PRMT2: variants seen among roughly 807,000 people sequenced by gnomAD.
PRMT2 encodes protein arginine N-methyltransferase 2.
A neutral mutation model predicts 57.6 loss-of-function variants in PRMT2; 26 were observed. The ratio of observed to expected loss-of-function variants is 0.45; its 90% confidence interval spans 0.33 to 0.63. The LOEUF (loss-of-function observed/expected upper bound fraction) is 0.63, where lower values mean the gene tolerates loss of function less well. Among genes scored for constraint, PRMT2 ranks in the 20% least tolerant of loss-of-function variants. PRMT2 has a pLI of 0.02. For synonymous variants in PRMT2, 219 were observed against 220.0 expected (o/e 1.00, Z 0.04); for missense variants, 472 against 564.4 (o/e 0.84, Z 1.66).
At chr21:46,655,803 C>T (rs559958063) in intron 7 of PRMT2, among the ~76,000 whole-genome samples, 2 of 152,028 alleles carry the variant, frequency 1.3e-5, no homozygotes, top group African/African-American at 4.8e-5. Flanking sequence ...TGAAAGAAAC[C>T]CCAGAAAACC....
At position 46,665,116 on chromosome 21, in the gene PRMT2, T is replaced by G. The variant is rs1308242249; in HGVS notation, c.*789T>G. On this transcript the variant is annotated 3_prime_UTR_variant, in exon 12 of 12. Coordinates refer to ENST00000355680, the MANE Select transcript of PRMT2 (RefSeq NM_206962.4). Reference sequence around the variant, plus strand: ...TGTTTTGATTTTTATTAAATTTTATTGAAATATAGGCTGGGTGCAGTGGCT... The same window carrying G: ...TGTTTTGATTTTTATTAAATTTTATGGAAATATAGGCTGGGTGCAGTGGCT... 1 of 152,126 alleles carries G rather than the reference T, an allele frequency of 6.6e-6. No homozygotes were observed. The highest frequency in any genetic ancestry group is 1.5e-5 in the Non-Finnish European group (1 of 68,048). The allele number at this position is 152,126 out of a possible 1,614,324, so 9.4% of individuals were successfully genotyped here.
chr21:46,654,472 G>A (rs1437190791), intron 7 of PRMT2, among the ~76,000 whole-genome samples: 1 of 152,170 alleles, frequency 6.6e-6, no homozygotes. Context: ...AAATCCTGGA[G>A]AGTAGACAGG....
At chr21:46,659,182 T>TGAG in intron 8 of PRMT2, 1 of 1,204,864 alleles carries the variant, frequency 8.3e-7, no homozygotes, top group Non-Finnish European at 1.0e-6. Context: ...TAGGAGGGAG[T>TGAG]GAGGGCCAAG....
rs565764384 is a variant in PRMT2, at chr21:46,651,725, G to T, written c.654+1986G>T. ...ATGGCGATAGTTGTTGGGGCACAGG[G>T]TTGGTCGGATTTGAGGGAGGGAGGG... On this transcript the variant is annotated intron_variant, in intron 7 of 11. Coordinates refer to ENST00000355680, the MANE Select transcript of PRMT2 (RefSeq NM_206962.4). 2.6e-4 allele frequency: 382 copies of T among 1,495,646 alleles called. 2 individuals carry two copies. In the East Asian group the frequency reaches 6.7e-3, roughly 26 times the overall value. 92.6% of individuals were successfully genotyped at this position (1,495,646 alleles called of 1,614,324 possible). A position where few individuals can be genotyped will look rare whatever the true frequency, so the allele number is the denominator to read the frequency against.
intron 7 of PRMT2, among the ~76,000 whole-genome samples, chr21:46,650,906 G>A (rs1042188854): frequency 1.3e-5 from 2 of 152,230 alleles, no homozygotes; most frequent in African/African-American, 4.8e-5. Context: ...AGACTGTGTT[G>A]CATCAGGGAG....
At position 46,664,643 on chromosome 21, in the gene PRMT2, G is replaced by A. The variant is rs548028163; in HGVS notation, c.*316G>A. 1 of 464,782 alleles carries A rather than the reference G, an allele frequency of 2.2e-6. No homozygotes were observed. Among genetic ancestry groups the A allele is most frequent in the South Asian group, 2.4e-5 (1 of 42,032 alleles). 28.8% of individuals were successfully genotyped at this position (464,782 alleles called of 1,614,324 possible). On this transcript the variant is annotated 3_prime_UTR_variant, in exon 12 of 12. Transcript: ENST00000355680. Reference sequence around the variant, plus strand: ...TCGGAGCTCCATGTTCCTAAGCTAGGTCTAGGTCTACACTCCTAGGACGCA... The same window carrying A: ...TCGGAGCTCCATGTTCCTAAGCTAGATCTAGGTCTACACTCCTAGGACGCA...
rs199586203 is a variant in PRMT2 at position 46,661,775 on chromosome 21, G to A, written c.961-25G>A. On this transcript the variant is annotated intron_variant, in intron 9 of 11. Coordinates refer to ENST00000355680, the MANE Select transcript of PRMT2 (RefSeq NM_206962.4). ...CTGCGGTGCCACGCGGTGCCCACGC[G>A]TGCCTTGTCATCTGCTTGACCCAGA... The A allele has an allele frequency of 6.2e-5, 83 of 1,336,652 alleles. 2 individuals carry two copies. In the Admixed American group the frequency reaches 2.8e-3, roughly 44 times the overall value. The allele number at this position is 1,336,652 out of a possible 1,614,324, so 82.8% of individuals were successfully genotyped here. A position where few individuals can be genotyped will look rare whatever the true frequency, so the allele number is the denominator to read the frequency against.
chr21:46,646,486 C>T (rs1323082760), intron 5 of PRMT2, among the ~76,000 whole-genome samples: 1 of 152,228 alleles, frequency 6.6e-6, no homozygotes, highest in African/African-American at 2.4e-5. Context: ...TTCCACCACT[C>T]AGGTCTTCAC....
Position 46,660,980 on chromosome 21 carries a change from T to G in PRMT2, c.960+18T>G. On this transcript the variant is annotated intron_variant, in intron 9 of 11. Coordinates refer to ENST00000355680, the MANE Select transcript of PRMT2 (RefSeq NM_206962.4). ...ATCTAGAGGTGAGAAAAAGATGAATTGCTCCTTACATTCGATAATCAGTGA... is the reference window on the plus strand; with the variant it reads ...ATCTAGAGGTGAGAAAAAGATGAATGGCTCCTTACATTCGATAATCAGTGA... 1 of 1,607,716 alleles carries G rather than the reference T, an allele frequency of 6.2e-7. No individual in the cohort carries two copies. The highest frequency in any genetic ancestry group is 2.2e-5 in the East Asian group (1 of 44,774).
chr21:46,651,923 G>A (rs777359132), intron 7 of PRMT2: 1 of 1,613,056 alleles, frequency 6.2e-7, no homozygotes, highest in African/African-American at 1.3e-5. Flanking sequence ...CCCTCTTCAT[G>A]TCCTCCTTGC....
chr21:46,654,893 T>C (rs894811352), intron 7 of PRMT2: 1 of 984,590 alleles, frequency 1.0e-6, no homozygotes, highest in Non-Finnish European at 1.2e-6. Flanking sequence ...TCTTGAGTTA[T>C]CATTTTCTTT....
chr21:46,659,157 AG>A, intron 8 of PRMT2: 1 of 1,250,332 alleles, frequency 8.0e-7, no homozygotes, highest in East Asian at 3.5e-5. Context: ...TATGTGAAAA[AG>A]GTGGCATTAC....
rs757116943 is a variant in PRMT2, at chr21:46,660,890, A to G, written c.888A>G (p.Pro296=). Residue 296 remains proline, a synonymous_variant, in exon 9 of 12, where the codon CCA becomes CCG. Coordinates refer to ENST00000355680, the MANE Select transcript of PRMT2 (RefSeq NM_206962.4). ...SKPKYNHILK[P]EDCLSEPCTI... ...CCAAGTATAACCACATTTTGAAACC[A>G]GAAGACTGTCTCTCTGAACCGTGCA... 3.1e-6 allele frequency: 5 copies of G among 1,613,508 alleles called. No homozygotes were observed. The highest frequency in any genetic ancestry group is 1.3e-5 in the African/African-American group (1 of 74,922).
intron 3 of PRMT2, among the ~76,000 whole-genome samples, chr21:46,639,126 T>C (rs7283588): frequency 0.026 from 3,966 of 152,344 alleles, 83 homozygotes; most frequent in Middle Eastern, 0.082. Flanking sequence ...TTTGAAAGTA[T>C]GTTGACCAAT....
intron 9 of PRMT2, chr21:46,661,533 T>G (rs2061620990): frequency 3.6e-6 from 1 of 276,238 alleles, no homozygotes. Flanking sequence ...TCCAACTCCT[T>G]AACTGGAAGA....
At chr21:46,651,728 G>A in intron 7 of PRMT2, 1 of 1,503,608 alleles carries the variant, frequency 6.7e-7, no homozygotes, top group Non-Finnish European at 9.1e-7. Context: ...GCACAGGGTT[G>A]GTCGGATTTG....
At chr21:46,637,381 G>C (rs972987869) in intron 3 of PRMT2, among the ~76,000 whole-genome samples, 2 of 152,094 alleles carry the variant, frequency 1.3e-5, no homozygotes, top group African/African-American at 4.8e-5. Flanking sequence ...TTCTGCCTGG[G>C]GTACTCATGT....
chr21:46,652,276 C>T, intron 7 of PRMT2: 1 of 1,316,324 alleles, frequency 7.6e-7, no homozygotes, highest in Non-Finnish European at 9.7e-7. Context: ...TTCTAAGAAC[C>T]AAGTTCATAA....
rs770532302 is a variant in PRMT2 at position 46,664,407 on chromosome 21, C to T, written c.*80C>T. On this transcript the variant is annotated 3_prime_UTR_variant, in exon 12 of 12. Transcript: ENST00000355680. ...AAGCAAACCAAGTTGCACCTGGCTT[C>T]TGCACACTCCTGCGAAAGTCGGTGA... is the stretch of plus-strand genomic sequence containing the variant. The T allele has an allele frequency of 8.1e-5, 125 of 1,540,424 alleles. No homozygotes were observed. In the East Asian group the frequency reaches 2.1e-3, roughly 26 times the overall value.
Sources: allele counts gnomAD v4.1 joint callset (sites outside exome capture counted in the v4.1 genomes callset), GRCh38; gene constraint gnomAD v4.1.1; transcripts MANE v1.5; gene names NCBI Gene and HGNC (gene_info 2026-07-23, HGNC 2026-07-21).